The following ZNF385D variants were observed in gnomAD, a reference collection of about 807,000 sequenced individuals.
The protein encoded by ZNF385D is zinc finger protein 659.
A neutral mutation model predicts 35.8 loss-of-function variants in ZNF385D; 15 were observed. That is an observed-to-expected ratio of 0.42 (90% confidence interval 0.28 to 0.64). The LOEUF (loss-of-function observed/expected upper bound fraction) is 0.64. ZNF385D is among the 30% of genes least tolerant of loss of function. The probability of loss-of-function intolerance (pLI) is 0.23; values close to 1 mark genes in which losing one functional copy is unlikely to be tolerated. For missense variants in ZNF385D, 474 were observed against 494.6 expected (o/e 0.96, Z 0.39); for synonymous variants, 212 against 186.8 (o/e 1.13, Z -1.10).
At chr3:22,004,769 T>C (rs564322607) in intron 3 of ZNF385D, among the ~76,000 whole-genome samples, 1 of 152,264 alleles carries the variant, frequency 6.6e-6, no homozygotes, top group South Asian at 2.1e-4. Flanking sequence ...AATGCAACCT[T>C]TTGTCCTTAT....
At chr3:22,166,395 G>C (rs987818620) in intron 3 of ZNF385D, among the ~76,000 whole-genome samples, 1 of 152,042 alleles carries the variant, frequency 6.6e-6, no homozygotes, top group African/African-American at 2.4e-5. Context: ...ATGAAGAAAG[G>C]CATAGTTTGT....
intron 2 of ZNF385D, among the ~76,000 whole-genome samples, chr3:22,301,941 C>T (rs899513051): frequency 3.9e-5 from 6 of 152,010 alleles, no homozygotes; most frequent in African/African-American, 1.4e-4. Flanking sequence ...GCATGTATTT[C>T]TTCTTCATAT....
At chr3:22,371,027 T>C (rs1317407833) in intron 2 of ZNF385D, among the ~76,000 whole-genome samples, 2 of 152,086 alleles carry the variant, frequency 1.3e-5, no homozygotes, top group African/African-American at 2.4e-5. Flanking sequence ...ATGAAGAGAG[T>C]GCTCAAGTTA....
intron 3 of ZNF385D, among the ~76,000 whole-genome samples, chr3:22,129,141 A>G (rs778923425): frequency 2.6e-5 from 4 of 152,168 alleles, no homozygotes; most frequent in Non-Finnish European, 4.4e-5. Context: ...CATGGATTAC[A>G]TGGGAGAGTC....
intron 3 of ZNF385D, among the ~76,000 whole-genome samples, chr3:22,116,527 A>C (rs1305937231): frequency 1.5e-4 from 23 of 152,104 alleles, no homozygotes; most frequent in Non-Finnish European, 5.9e-5. Flanking sequence ...AAGAAAACAG[A>C]AAAAAGAGAA....
chr3:22,286,452 T>G (rs535476418), intron 2 of ZNF385D, among the ~76,000 whole-genome samples: 14 of 152,128 alleles, frequency 9.2e-5, no homozygotes, highest in African/African-American at 3.1e-4. Flanking sequence ...TTTGGCTTAG[T>G]TTGTTCCTCT....
At chr3:22,222,812 A>G (rs1281230674) in intron 2 of ZNF385D, among the ~76,000 whole-genome samples, 5 of 152,220 alleles carry the variant, frequency 3.3e-5, no homozygotes, top group African/African-American at 4.8e-5. Context: ...AAAGAATGAC[A>G]TAATTGCTCT....
chr3:22,218,207 T>C (rs1159191873), intron 2 of ZNF385D, among the ~76,000 whole-genome samples: 1 of 152,144 alleles, frequency 6.6e-6, no homozygotes, highest in African/African-American at 2.4e-5. Flanking sequence ...CTTTATATTA[T>C]TGAGTCTTCT....
chr3:22,217,032 C>T (rs1364498165), intron 2 of ZNF385D, among the ~76,000 whole-genome samples: 4 of 152,212 alleles, frequency 2.6e-5, no homozygotes, highest in Non-Finnish European at 4.4e-5. Flanking sequence ...TTAGATTTTG[C>T]TATGTATCTG....
intron 3 of ZNF385D, among the ~76,000 whole-genome samples, chr3:21,902,450 T>C (rs1356064133): frequency 6.6e-6 from 1 of 152,144 alleles, no homozygotes; most frequent in African/African-American, 2.4e-5. Context: ...GGTATCTTGG[T>C]AGGAAATAGC....
chr3:21,511,801 C>G, intron 3 of ZNF385D: 1 of 448,458 alleles, frequency 2.2e-6, no homozygotes. Flanking sequence ...TGCATTTTCT[C>G]ATGTTTTATT....
At chr3:21,421,692 C>G (rs554051878) in intron 7 of ZNF385D, among the ~76,000 whole-genome samples, 1 of 152,064 alleles carries the variant, frequency 6.6e-6, no homozygotes, top group African/African-American at 2.4e-5. Context: ...TACTCAGCAA[C>G]CTTATTTTAT....
chr3:21,870,373 A>G (rs1031656737), intron 3 of ZNF385D, among the ~76,000 whole-genome samples: 2 of 152,186 alleles, frequency 1.3e-5, no homozygotes, highest in Admixed American at 1.3e-4. Flanking sequence ...CTGTGGTTTC[A>G]CCATACTAAC....
chr3:21,500,674 G>A (rs546225375), intron 4 of ZNF385D, among the ~76,000 whole-genome samples: 5 of 152,294 alleles, frequency 3.3e-5, no homozygotes, highest in African/African-American at 1.2e-4. Flanking sequence ...CCTCAAGTGA[G>A]GTAATTGGGC....
chr3:21,883,590 T>C (rs1437798203), intron 3 of ZNF385D, among the ~76,000 whole-genome samples: 2 of 152,024 alleles, frequency 1.3e-5, no homozygotes, highest in African/African-American at 4.8e-5. Flanking sequence ...TTTCCCAAGA[T>C]TCCTGAAGCT....
intron 3 of ZNF385D, among the ~76,000 whole-genome samples, chr3:21,540,154 GATA>G (rs1021436410): frequency 3.3e-5 from 5 of 152,148 alleles, no homozygotes; most frequent in African/African-American, 1.2e-4. Flanking sequence ...AGCTTACTAT[GATA>G]ATAAAAATAC....
At chr3:22,364,116 T>A (rs1696542794) in intron 2 of ZNF385D, among the ~76,000 whole-genome samples, 1 of 152,172 alleles carries the variant, frequency 6.6e-6, no homozygotes, top group African/African-American at 2.4e-5. Flanking sequence ...GGCTCTTATT[T>A]TTTTGGAATT....
At chr3:22,152,096 A>G (rs1705277179) in intron 3 of ZNF385D, among the ~76,000 whole-genome samples, 1 of 152,114 alleles carries the variant, frequency 6.6e-6, no homozygotes, top group Non-Finnish European at 1.5e-5. Flanking sequence ...CTAAGTGAGA[A>G]CACAGGTTTT....
intron 3 of ZNF385D, among the ~76,000 whole-genome samples, chr3:21,998,263 T>A (rs113534398): frequency 6.6e-6 from 1 of 152,150 alleles, no homozygotes; most frequent in African/African-American, 2.4e-5. Context: ...GCCTATGTGA[T>A]AACTCTGCCC....
Sources: allele counts gnomAD v4.1 joint callset (sites outside exome capture counted in the v4.1 genomes callset), GRCh38; gene constraint gnomAD v4.1.1; transcripts MANE v1.5; gene names NCBI Gene and HGNC (gene_info 2026-07-23, HGNC 2026-07-21).